Variants in PDE11A observed in about 807,000 individuals in gnomAD.
PDE11A encodes dual 3',5'-cyclic-AMP and -GMP phosphodiesterase 11A.
In PDE11A, 100 loss-of-function variants were observed where a neutral mutation model predicts 100.5. That is an observed-to-expected ratio of 1.00 (90% CI 0.85 to 1.18). The LOEUF is 1.18. PDE11A is among the 50% of genes most tolerant of loss of function. The probability of loss-of-function intolerance (pLI) is 0.00; values close to 1 mark genes in which losing one functional copy is unlikely to be tolerated. For synonymous variants in PDE11A, 381 were observed against 420.8 expected, an observed-to-expected ratio of 0.91 and a Z score of 1.16; for missense variants, 1,141 against 1,152.6, an observed-to-expected ratio of 0.99 and a Z score of 0.15.
rs960755242 is a variant in PDE11A, at chr2:177,874,688, G to A, written c.1367+1171C>T. ...ATTGGCCAATTATGGACAAACAAGA[G>A]GGAGGAAGAGAAACAAAGAGCAAAA... On this transcript the variant is annotated intron_variant, in intron 5 of 19. Coordinates refer to ENST00000286063, the MANE Select transcript of PDE11A (RefSeq NM_016953.4). 5.9e-5 allele frequency among the ~76,000 whole-genome samples: 9 copies of A among 152,166 alleles called. No individual in the cohort carries two copies. In the East Asian group the frequency reaches 9.6e-4, roughly 16 times the overall value.
At chr2:178,076,895 T>G (rs1405300848), upstream of PDE11A, among the ~76,000 whole-genome samples, 1 of 152,168 alleles carries the variant, frequency 6.6e-6, no homozygotes, top group Non-Finnish European at 1.5e-5. Context: ...TGCTGACTTG[T>G]GGCTGAGGCT....
At chr2:178,076,415 T>C (rs2087208640), upstream of PDE11A, among the ~76,000 whole-genome samples, 2 of 152,214 alleles carry the variant, frequency 1.3e-5, no homozygotes, top group South Asian at 4.1e-4. Context: ...TACATTTTAG[T>C]ACTGGATGGA....
At chr2:177,785,191 A>C (rs1254391245) in intron 9 of PDE11A, among the ~76,000 whole-genome samples, 1 of 152,136 alleles carries the variant, frequency 6.6e-6, no homozygotes, top group Admixed American at 6.5e-5. Context: ...GGTGAGAAAT[A>C]TATGCACTTT....
intron 10 of PDE11A, among the ~76,000 whole-genome samples, chr2:177,762,652 C>T (rs2082185044): frequency 6.6e-6 from 1 of 152,086 alleles, no homozygotes; most frequent in Non-Finnish European, 1.5e-5. Flanking sequence ...TTAGGGAATG[C>T]AGTGAATTCT....
chr2:177,896,090 C>T (rs183755768), intron 4 of PDE11A, among the ~76,000 whole-genome samples: 44 of 152,242 alleles, frequency 2.9e-4, no homozygotes, highest in African/African-American at 1.1e-3. Context: ...TCTGCCCCAA[C>T]ATTAGTCTTA....
At chr2:178,028,887 C>T (rs184869139) in intron 1 of PDE11A, among the ~76,000 whole-genome samples, 7 of 152,160 alleles carry the variant, frequency 4.6e-5, no homozygotes, top group South Asian at 2.1e-4. Flanking sequence ...TCAATTTAAC[C>T]GACTAGAATT....
intron 19 of PDE11A, among the ~76,000 whole-genome samples, chr2:177,639,258 T>G (rs890093435): frequency 6.6e-6 from 1 of 152,240 alleles, no homozygotes; most frequent in African/African-American, 2.4e-5. Flanking sequence ...TTTCAGGTTT[T>G]GGGGTTTTGT....
intron 6 of PDE11A, among the ~76,000 whole-genome samples, chr2:177,824,174 T>C (rs1030016728): frequency 1.3e-4 from 20 of 152,200 alleles, no homozygotes; most frequent in African/African-American, 3.4e-4. Context: ...GTTTCTGGCT[T>C]GAGTAAAGGT....
chr2:178,045,113 T>C (rs111613929), intron 1 of PDE11A, among the ~76,000 whole-genome samples: 1 of 152,200 alleles, frequency 6.6e-6, no homozygotes, highest in African/African-American at 2.4e-5. Flanking sequence ...CTAGAATAAG[T>C]TGCTTGCTTG....
At chr2:177,765,729 G>A (rs1427861524) in intron 10 of PDE11A, among the ~76,000 whole-genome samples, 1 of 152,196 alleles carries the variant, frequency 6.6e-6, no homozygotes, top group South Asian at 2.1e-4. Flanking sequence ...AGGCTGAGGT[G>A]AGGGATAAAT....
chr2:177,888,908 G>A lies in PDE11A; in HGVS notation c.1302+9150C>T, dbSNP rs377314365. 4 of 152,314 alleles carry A rather than the reference G, an allele frequency of 2.6e-5. No homozygotes were observed. The East Asian group carries it at 7.7e-4, about 29-fold the overall frequency. 9.4% of individuals were successfully genotyped at this position (152,314 alleles called of 1,614,324 possible). Reference sequence around the variant, plus strand: ...ATGGGGAACCAGCACCATTGTTATGGTTTACAATATAAGGTTTACATTTGT... The same window carrying A: ...ATGGGGAACCAGCACCATTGTTATGATTTACAATATAAGGTTTACATTTGT... On this transcript the variant is annotated intron_variant, in intron 4 of 19. Coordinates refer to ENST00000286063, the MANE Select transcript of PDE11A (RefSeq NM_016953.4).
chr2:178,015,883 T>C lies in PDE11A; in HGVS notation c.913-1423A>G, dbSNP rs558053819. 1.7e-4 allele frequency among the ~76,000 whole-genome samples: 26 copies of C among 152,224 alleles called. No homozygotes were observed. In the South Asian group the frequency reaches 3.1e-3, roughly 18 times the overall value. On this transcript the variant is annotated intron_variant, in intron 1 of 19. Transcript: ENST00000286063. ...AACTGGATCCAGTCTGATGATAAAC[T>C]ATTTCAAGTCAGGGGTTGGAGTGAG... is the stretch of plus-strand genomic sequence containing the variant.
chr2:178,039,064 T>C (rs887170230), intron 1 of PDE11A: 2 of 152,164 alleles, frequency 1.3e-5, no homozygotes, highest in African/African-American at 4.8e-5. Flanking sequence ...CATAAAGGCA[T>C]GCACACGAGT....
intron 2 of PDE11A, chr2:178,092,603 CTT>C (rs570664748): frequency 2.2e-4 from 31 of 142,818 alleles, no homozygotes; most frequent in Non-Finnish European, 2.3e-4. Flanking sequence ...ATATTTCTTT[CTT>C]TTTTTTTTTT....
At chr2:178,009,272 G>C (rs945237088) in intron 2 of PDE11A, among the ~76,000 whole-genome samples, 2 of 152,094 alleles carry the variant, frequency 1.3e-5, no homozygotes, top group African/African-American at 4.8e-5. Context: ...ACCTAAATCA[G>C]CTAGTTTATA....
intron 6 of PDE11A, among the ~76,000 whole-genome samples, chr2:177,828,583 C>G (rs2083262736): frequency 6.6e-6 from 1 of 152,092 alleles, no homozygotes; most frequent in Non-Finnish European, 1.5e-5. Flanking sequence ...GCCTTACTGT[C>G]AGGTAACATT....
At chr2:177,686,331 C>T (rs753787877) in intron 15 of PDE11A, among the ~76,000 whole-genome samples, 2 of 152,054 alleles carry the variant, frequency 1.3e-5, no homozygotes, top group Admixed American at 6.6e-5. Flanking sequence ...CTTTGGGGGG[C>T]CAAGGGAGGA....
intron 1 of PDE11A, among the ~76,000 whole-genome samples, chr2:178,050,572 G>A (rs1423797225): frequency 6.6e-6 from 1 of 152,008 alleles, no homozygotes; most frequent in Non-Finnish European, 1.5e-5. Flanking sequence ...GCTAAAGGAG[G>A]GTGTTCGAAC....
At chr2:177,913,761 G>C (rs2084914638) in intron 2 of PDE11A, among the ~76,000 whole-genome samples, 1 of 151,912 alleles carries the variant, frequency 6.6e-6, no homozygotes, top group African/African-American at 2.4e-5. Flanking sequence ...TATTCTAGGG[G>C]GTGGTTGTAT....
Sources: gnomAD v4.1 joint callset for allele counts (sites outside exome capture counted in the v4.1 genomes callset) on GRCh38, gnomAD v4.1.1 for gene constraint, MANE v1.5 for transcripts, NCBI Gene and HGNC (gene_info 2026-07-23, HGNC 2026-07-21) for gene names.